C3orf20: variants seen among roughly 807,000 people sequenced by gnomAD.
C3orf20 encodes uncharacterized protein C3orf20.
Under a neutral mutation model 88.3 loss-of-function variants are expected in C3orf20, and 76 were observed. The observed-to-expected ratio is 0.86, with a 90% confidence interval of 0.72 to 1.04. The LOEUF (loss-of-function observed/expected upper bound fraction) is 1.04. C3orf20 is among the 50% of genes least tolerant of loss of function. The pLI, the probability that C3orf20 is intolerant of heterozygous loss-of-function variation, is 0.00. For missense variants in C3orf20, 1,056 were observed against 1,123.3 expected (o/e 0.94, Z 0.86); for synonymous variants, 436 against 437.4 (o/e 1.00, Z 0.04).
chr3:14,685,856 CTTTTTTTTTTTTTT>C (rs71038423), intron 4 of C3orf20, among the ~76,000 whole-genome samples: 1 of 68,380 alleles, frequency 1.5e-5, no homozygotes, highest in African/African-American at 6.6e-5. Context: ...GCAGGATTTC[CTTTTTTTTTTTTTT>C]TTTTTTTTTT....
rs566269959 is a variant in C3orf20 at position 14,759,833 on chromosome 3, A to G, written c.2245-58A>G. ...ACCAGGCCTAGCCGAGAATATGGCA[A>G]TCCAGGTACATCTTATTGGCATGGG... On this transcript the variant is annotated intron_variant, in intron 13 of 16. Coordinates refer to ENST00000253697, the MANE Select transcript of C3orf20 (RefSeq NM_032137.5). The G allele has an allele frequency of 1.8e-5, 26 of 1,432,494 alleles. No homozygotes were observed. In the Admixed American group the frequency reaches 3.4e-4, roughly 19 times the overall value. 88.7% of individuals were successfully genotyped at this position (1,432,494 alleles called of 1,614,324 possible). A position where few individuals can be genotyped will look rare whatever the true frequency, so the allele number is the denominator to read the frequency against.
At chr3:14,724,573 A>G (rs1254650707) in intron 10 of C3orf20, among the ~76,000 whole-genome samples, 1 of 152,228 alleles carries the variant, frequency 6.6e-6, no homozygotes, top group Non-Finnish European at 1.5e-5. Context: ...GACAAGTCCA[A>G]ATGGAGATGG....
At chr3:14,758,400 C>G (rs532675734) in intron 13 of C3orf20, among the ~76,000 whole-genome samples, 15 of 152,322 alleles carry the variant, frequency 9.8e-5, no homozygotes, top group Non-Finnish European at 4.4e-5. Flanking sequence ...GGAACCCACT[C>G]CTGCCTACTC....
rs533790720 is a variant in C3orf20, at chr3:14,713,927, A to G, written c.1161-80A>G. 424 of 1,501,626 alleles carry G rather than the reference A, an allele frequency of 2.8e-4. 2 individuals are homozygous for G. The South Asian group carries it at 3.6e-3, about 13-fold the overall frequency. The allele number at this position is 1,501,626 out of a possible 1,614,324, so 93.0% of individuals were successfully genotyped here. On this transcript the variant is annotated intron_variant, in intron 7 of 16. Transcript: ENST00000253697. ...TGCACCAAATAGCTAACACTTTGAC[A>G]TGTGGACTTGCTTCAATGGGACAAC...
intron 12 of C3orf20, among the ~76,000 whole-genome samples, chr3:14,751,932 A>G (rs1490911989): frequency 6.6e-6 from 1 of 152,240 alleles, no homozygotes. Flanking sequence ...ATTCAATGCT[A>G]TCCCCATCAA....
intron 10 of C3orf20, among the ~76,000 whole-genome samples, chr3:14,725,911 C>G (rs999200668): frequency 6.7e-6 from 1 of 150,124 alleles, no homozygotes; most frequent in Non-Finnish European, 1.5e-5. Context: ...GCAGAAAGGA[C>G]AGGAAGGGAC....
chr3:14,727,120 C>T lies in C3orf20; in HGVS notation c.1690+96C>T, dbSNP rs574496783. The T allele has an allele frequency of 8.9e-4, 1,203 of 1,356,024 alleles. 25 individuals carry two copies. In the South Asian group the frequency reaches 0.014, roughly 16 times the overall value. The allele number at this position is 1,356,024 out of a possible 1,614,324, so 84.0% of individuals were successfully genotyped here. On this transcript the variant is annotated intron_variant, in intron 11 of 16. Transcript: ENST00000253697. The stretch of plus-strand genomic sequence containing the variant: ...CTCAAGGGACAGACCTTTACTTTAC[C>T]GCCCATTCCATCTTCAGTCTGAATG...
At chr3:14,695,067 A>G (rs897149907) in intron 5 of C3orf20, among the ~76,000 whole-genome samples, 1 of 152,220 alleles carries the variant, frequency 6.6e-6, no homozygotes, top group African/African-American at 2.4e-5. Flanking sequence ...CTGGGATTAC[A>G]GGAGTAAGCC....
chr3:14,747,238 C>T (rs1209354039), intron 12 of C3orf20, among the ~76,000 whole-genome samples: 1 of 152,160 alleles, frequency 6.6e-6, no homozygotes. Context: ...GTAGGTATTA[C>T]AAGGGGTAAG....
intron 5 of C3orf20, among the ~76,000 whole-genome samples, chr3:14,691,653 A>G (rs1415194215): frequency 6.6e-6 from 1 of 152,302 alleles, no homozygotes; most frequent in South Asian, 2.1e-4. Context: ...GATAGTCGGT[A>G]TATATGTTTA....
At chr3:14,760,379 ACAT>A (rs1434102773) in intron 14 of C3orf20, among the ~76,000 whole-genome samples, 1 of 152,194 alleles carries the variant, frequency 6.6e-6, no homozygotes, top group Non-Finnish European at 1.5e-5. Flanking sequence ...GAAAATAATG[ACAT>A]CATCAGATCA....
At chr3:14,728,792 A>T in intron 12 of C3orf20, 104 bp downstream of exon 12, 1 of 1,132,762 alleles carries the variant, frequency 8.8e-7, no homozygotes, top group South Asian at 1.5e-5. Context: ...TTGGAGCTTA[A>T]ATTCCAAGGG....
chr3:14,746,029 T>C (rs993386979), intron 12 of C3orf20, among the ~76,000 whole-genome samples: 1 of 152,232 alleles, frequency 6.6e-6, no homozygotes, highest in African/African-American at 2.4e-5. Flanking sequence ...TAATCTACTT[T>C]CTGTCTCTAT....
intron 14 of C3orf20, among the ~76,000 whole-genome samples, 197 bp downstream of exon 14, chr3:14,760,195 G>C (rs1198996944): frequency 6.6e-6 from 1 of 152,214 alleles, no homozygotes; most frequent in Non-Finnish European, 1.5e-5. Context: ...AGCTGGGGCT[G>C]AAGCCCAGGA....
intron 1 of C3orf20, among the ~76,000 whole-genome samples, chr3:14,680,101 A>C (rs2032006752): frequency 6.6e-6 from 1 of 152,232 alleles, no homozygotes; most frequent in South Asian, 2.1e-4. Flanking sequence ...GCAAGCCCTC[A>C]CAAAGTTAAA....
intron 6 of C3orf20, 77 bp from the exon 7 acceptor site, chr3:14,704,260 A>G: frequency 6.8e-7 from 1 of 1,480,046 alleles, no homozygotes; most frequent in Non-Finnish European, 9.3e-7. Flanking sequence ...CTTGGGCACT[A>G]AGGAGGGGCT....
chr3:14,719,224 G>C (rs1019117240), intron 9 of C3orf20, among the ~76,000 whole-genome samples: 1 of 151,718 alleles, frequency 6.6e-6, no homozygotes, highest in Non-Finnish European at 1.5e-5. Flanking sequence ...AGAACCAGCT[G>C]GTTGATTTTT....
At chr3:14,685,485 C>CTCTCT (rs1559395171) in intron 4 of C3orf20, among the ~76,000 whole-genome samples, 3 of 141,408 alleles carry the variant, frequency 2.1e-5, no homozygotes, top group Admixed American at 1.4e-4. Context: ...TCTCTCTGTG[C>CTCTCT]GTGCGTGCGT....
rs1039568731 is a variant in C3orf20, at chr3:14,772,574, C to T, written c.2631-217C>T. On this transcript the variant is annotated intron_variant, in intron 16 of 16. Transcript: ENST00000253697. This position sits in a 1 kb window ranked among gnomAD's most constrained non-coding sequence, Gnocchi z 4.2. The stretch of plus-strand genomic sequence containing the variant: ...GAAATGAATCACACATTCGGCATGG[C>T]GTGGAAATCACATATTTCTCATGAA... 3.9e-5 allele frequency among the ~76,000 whole-genome samples: 6 copies of T among 152,212 alleles called. No individual in the cohort carries two copies. The highest frequency in any genetic ancestry group is 8.8e-5 in the Non-Finnish European group (6 of 68,042).
Sources: gnomAD v4.1 joint callset for allele counts (sites outside exome capture counted in the v4.1 genomes callset) on GRCh38, gnomAD v4.1.1 for gene constraint, Gnocchi (gnomAD v3.1) non-coding constraint, MANE v1.5 for transcripts, NCBI Gene and HGNC (gene_info 2026-07-23, HGNC 2026-07-21) for gene names.